Variants in TSHZ3 observed in about 807,000 individuals in gnomAD.
The protein encoded by TSHZ3 is teashirt zinc finger homeobox 3, also known as teashirt homolog 3.
In TSHZ3, 10 loss-of-function variants were observed where a neutral mutation model predicts 64.5. The observed-to-expected ratio is 0.16, with a 90% confidence interval of 0.10 to 0.26. TSHZ3 has a LOEUF of 0.26. Ranked by LOEUF, TSHZ3 falls within the 10% of genes least tolerant of loss-of-function variation. The pLI, the probability that TSHZ3 is intolerant of heterozygous loss-of-function variation, is 1.00. For synonymous variants in TSHZ3, 608 were observed against 593.1 expected (o/e 1.03, Z -0.36); for missense variants, 1,242 against 1,421.7 (o/e 0.87, Z 2.03).
intron 6 of TSHZ3, among the ~76,000 whole-genome samples, chr19:31,155,296 C>T (rs1460141329): frequency 6.6e-6 from 1 of 152,198 alleles, no homozygotes; most frequent in Non-Finnish European, 1.5e-5. Context: ...CCTTAGATAA[C>T]CCCTTCCGAC....
At chr19:31,179,749 ATGG>A (rs764844346) in intron 5 of TSHZ3, among the ~76,000 whole-genome samples, 72 of 124,066 alleles carry the variant, frequency 5.8e-4, no homozygotes, top group Non-Finnish European at 7.4e-4. Context: ...GGTGGTGGTG[ATGG>A]TGGTGGTGAT....
intron 4 of TSHZ3, among the ~76,000 whole-genome samples, chr19:31,209,787 G>A (rs533737999): frequency 6.6e-6 from 1 of 152,266 alleles, no homozygotes; most frequent in East Asian, 1.9e-4. Context: ...GTTGGGATGA[G>A]CAGTGATGCC....
chr19:31,202,514 A>T (rs1975102966), intron 5 of TSHZ3, among the ~76,000 whole-genome samples: 1 of 152,120 alleles, frequency 6.6e-6, no homozygotes, highest in East Asian at 1.9e-4. Flanking sequence ...TTAAATGCCA[A>T]GTAATACTCC....
chr19:31,258,309 C>T (rs189301219), intron 1 of TSHZ3, among the ~76,000 whole-genome samples: 27 of 152,240 alleles, frequency 1.8e-4, no homozygotes, highest in African/African-American at 4.6e-4. Context: ...GACACAGGAA[C>T]GCAGATTCCA....
intron 1 of TSHZ3, among the ~76,000 whole-genome samples, chr19:31,331,190 A>G (rs1917080322): frequency 6.6e-6 from 1 of 152,110 alleles, no homozygotes. Context: ...GCACGCGGGG[A>G]ATGTGGACAG....
chr19:31,182,021 C>T (rs1023505730), intron 5 of TSHZ3, among the ~76,000 whole-genome samples: 2 of 152,118 alleles, frequency 1.3e-5, no homozygotes, highest in African/African-American at 2.4e-5. Flanking sequence ...GTCTGTCATC[C>T]CCACTGCAAA....
chr19:31,225,478 C>T (rs1006274400), intron 4 of TSHZ3, among the ~76,000 whole-genome samples: 1 of 152,188 alleles, frequency 6.6e-6, no homozygotes, highest in African/African-American at 2.4e-5. Context: ...ATGTTCAACG[C>T]ATCTTATGGC....
chr19:31,349,249 C>T lies in TSHZ3; in HGVS notation c.-30G>A, dbSNP rs2021621606. On this transcript the variant is annotated 5_prime_UTR_variant, in exon 1 of 2. Transcript: ENST00000240587. Reference sequence around the variant, plus strand: ...CTTCTCCGGCGACTGCCACTGCCGCCGCCGCCGCCGCTGCCGGGCTGAGGA... The same window carrying T: ...CTTCTCCGGCGACTGCCACTGCCGCTGCCGCCGCCGCTGCCGGGCTGAGGA... 2 of 1,528,300 alleles carry T rather than the reference C, an allele frequency of 1.3e-6. No individual in the cohort carries two copies. 94.7% of individuals were successfully genotyped at this position (1,528,300 alleles called of 1,614,324 possible).
intron 1 of TSHZ3, among the ~76,000 whole-genome samples, chr19:31,303,816 C>T (rs2173053): frequency 0.71 from 107,264 of 152,060 alleles, 39,580 homozygotes; most frequent in African/African-American, 0.92. Context: ...CTCAGAAAGA[C>T]GGATTTTTTT....
intron 1 of TSHZ3, among the ~76,000 whole-genome samples, chr19:31,254,420 C>T (rs1275439939): frequency 2.6e-5 from 4 of 152,174 alleles, no homozygotes; most frequent in Admixed American, 6.5e-5. Context: ...GGGAACTGAG[C>T]CCAGGCTGGG....
intron 1 of TSHZ3, among the ~76,000 whole-genome samples, chr19:31,317,112 C>A (rs933260835): frequency 1.3e-5 from 2 of 152,118 alleles, no homozygotes; most frequent in Non-Finnish European, 2.9e-5. Context: ...GGACAAAATT[C>A]TCTTCTCCAG....
chr19:31,261,155 A>G (rs1018904260), intron 1 of TSHZ3, among the ~76,000 whole-genome samples: 1 of 152,104 alleles, frequency 6.6e-6, no homozygotes, highest in Non-Finnish European at 1.5e-5. Context: ...GGGCTCTCCC[A>G]CCCCTGGCGC....
exon 7 of TSHZ3, among the ~76,000 whole-genome samples, chr19:31,150,606 A>G (rs971104135): frequency 2.2e-4 from 34 of 152,302 alleles, no homozygotes; most frequent in African/African-American, 7.9e-4. Flanking sequence ...TACGGGCAGG[A>G]TGGCCCACAG....
chr19:31,296,583 G>T (rs929249652), intron 1 of TSHZ3, among the ~76,000 whole-genome samples: 1 of 152,130 alleles, frequency 6.6e-6, no homozygotes, highest in Non-Finnish European at 1.5e-5. Context: ...TGATCTGCCC[G>T]CCTCAGCCTC....
chr19:31,182,491 T>C (rs145002146), intron 5 of TSHZ3, among the ~76,000 whole-genome samples: 49 of 152,254 alleles, frequency 3.2e-4, no homozygotes, highest in African/African-American at 1.1e-3. Flanking sequence ...CAGCCCGTGA[T>C]GAAAAATCCA....
chr19:31,283,686 C>A (rs1406284378), intron 1 of TSHZ3, among the ~76,000 whole-genome samples: 1 of 152,204 alleles, frequency 6.6e-6, no homozygotes, highest in Admixed American at 6.5e-5. Context: ...AGGTAAAGAG[C>A]CGAGCTGTAA....
chr19:31,232,328 G>A (rs1975552795), intron 3 of TSHZ3, among the ~76,000 whole-genome samples: 1 of 152,142 alleles, frequency 6.6e-6, no homozygotes, highest in Non-Finnish European at 1.5e-5. Flanking sequence ...AAGAGCAGAG[G>A]CCAACAAGCA....
intron 3 of TSHZ3, among the ~76,000 whole-genome samples, chr19:31,233,348 G>A (rs1975565048): frequency 6.6e-6 from 1 of 152,046 alleles, no homozygotes; most frequent in Non-Finnish European, 1.5e-5. Context: ...ATAACTAATG[G>A]CACTGAGCAT....
chr19:31,323,932 T>C (rs2145171265), intron 1 of TSHZ3, among the ~76,000 whole-genome samples: 1 of 147,038 alleles, frequency 6.8e-6, no homozygotes, highest in East Asian at 2.1e-4. Flanking sequence ...CATTGCAGGA[T>C]AGGCAGCCTA....
Sources: gnomAD v4.1 joint callset for allele counts (sites outside exome capture counted in the v4.1 genomes callset) on GRCh38, gnomAD v4.1.1 for gene constraint, MANE v1.5 for transcripts, NCBI Gene and HGNC (gene_info 2026-07-23, HGNC 2026-07-21) for gene names.